Variants in TASP1 observed in about 807,000 individuals in gnomAD.
TASP1 encodes the protein threonine aspartase 1.
In TASP1, 16 loss-of-function variants were observed where a neutral mutation model predicts 56.6. The ratio of observed to expected loss-of-function variants is 0.28; its 90% CI spans 0.19 to 0.43. The LOEUF (loss-of-function observed/expected upper bound fraction) is 0.43, where lower values mean the gene tolerates loss of function less well. TASP1 is among the 20% of genes least tolerant of loss of function. TASP1 has a pLI of 1.00. For missense variants in TASP1, 393 were observed against 511.6 expected, an observed-to-expected ratio of 0.77 and a Z score of 2.24; for synonymous variants, 179 against 184.2, an observed-to-expected ratio of 0.97 and a Z score of 0.23.
chr20:13,501,615 G>C (rs926304175), intron 10 of TASP1, among the ~76,000 whole-genome samples: 1 of 151,614 alleles, frequency 6.6e-6, no homozygotes, highest in African/African-American at 2.4e-5. Context: ...ACAATAAAAC[G>C]AAAGAATAGA....
intron 11 of TASP1, among the ~76,000 whole-genome samples, chr20:13,474,234 C>A (rs949019367): frequency 2.0e-5 from 3 of 152,140 alleles, no homozygotes; most frequent in Non-Finnish European, 4.4e-5. Flanking sequence ...GAACCTGTCA[C>A]CTGAGCGGTA....
Position 13,389,514 on chromosome 20 carries a change from T to C in TASP1, c.*846A>G, listed in dbSNP as rs1280458810. ...TATATTTAAACAAAAACAAAGATAA[T>C]ATTGAATTTTCCCATAAACTTTGCT... On this transcript the variant is annotated 3_prime_UTR_variant, in exon 14 of 14. Coordinates refer to ENST00000337743, the MANE Select transcript of TASP1 (RefSeq NM_017714.3). The C allele has an allele frequency of 6.6e-6, 1 of 152,496 alleles. No homozygotes were observed. 9.4% of individuals were successfully genotyped at this position (152,496 alleles called of 1,614,324 possible).
At chr20:13,223,233 G>T in the TASP1 span, among the ~76,000 whole-genome samples, 1 of 151,656 alleles carries the variant, frequency 6.6e-6, no homozygotes, top group African/African-American at 2.4e-5. Flanking sequence ...ATTATTCATT[G>T]TTCCCAAAGG....
intron 10 of TASP1, among the ~76,000 whole-genome samples, chr20:13,500,864 T>A (rs189473283): frequency 7.8e-4 from 119 of 152,146 alleles, no homozygotes; most frequent in Non-Finnish European, 1.3e-3. Flanking sequence ...GCTAAGAATT[T>A]TCCACACCTA....
chr20:13,168,374 G>A, the TASP1 span: 1 of 152,050 alleles, frequency 6.6e-6, no homozygotes, highest in African/African-American at 2.4e-5. Flanking sequence ...GTAGAGACAA[G>A]GTTTTTCCCT....
chr20:13,302,560 T>G, the TASP1 span, among the ~76,000 whole-genome samples: 158 of 152,260 alleles, frequency 1.0e-3, no homozygotes, highest in Non-Finnish European at 1.6e-3. Context: ...CAGTAGATCA[T>G]CTGCTCAAGG....
At chr20:13,590,467 C>T (rs2047481745) in intron 4 of TASP1, among the ~76,000 whole-genome samples, 1 of 152,042 alleles carries the variant, frequency 6.6e-6, no homozygotes, top group African/African-American at 2.4e-5. Flanking sequence ...AATTAGCAAA[C>T]AATTTTAATG....
chr20:13,242,122 A>G, the TASP1 span, among the ~76,000 whole-genome samples: 2 of 152,194 alleles, frequency 1.3e-5, no homozygotes, highest in Non-Finnish European at 2.9e-5. Flanking sequence ...GTTTACTGAC[A>G]AAAGGTCTAG....
At chr20:13,454,831 C>T (rs6131474) in intron 11 of TASP1, among the ~76,000 whole-genome samples, 13 of 152,100 alleles carry the variant, frequency 8.5e-5, no homozygotes, top group African/African-American at 3.1e-4. Context: ...CCCCATCATC[C>T]TAATTCAGCA....
the TASP1 span, among the ~76,000 whole-genome samples, chr20:13,354,739 T>C: frequency 1.1e-4 from 17 of 152,006 alleles, no homozygotes; most frequent in South Asian, 3.3e-3. Context: ...GGATGTCAAC[T>C]GCACAGCAGC....
intron 4 of TASP1, among the ~76,000 whole-genome samples, chr20:13,593,627 G>A (rs767743260): frequency 7.9e-5 from 12 of 152,308 alleles, no homozygotes; most frequent in African/African-American, 2.4e-5. Flanking sequence ...ATCAACCTGC[G>A]AGGCTGCAGC....
At chr20:13,141,716 G>C in the TASP1 span, among the ~76,000 whole-genome samples, 1 of 152,220 alleles carries the variant, frequency 6.6e-6, no homozygotes, top group Non-Finnish European at 1.5e-5. Flanking sequence ...TGAGGGCATG[G>C]AGAGCTGCAT....
At chr20:13,328,340 C>A in the TASP1 span, among the ~76,000 whole-genome samples, 2 of 152,226 alleles carry the variant, frequency 1.3e-5, no homozygotes, top group East Asian at 3.9e-4. Flanking sequence ...GAAAAAGGAA[C>A]CCTGTTACAT....
At chr20:13,421,408 A>C (rs749775580) in intron 12 of TASP1, among the ~76,000 whole-genome samples, 8 of 152,104 alleles carry the variant, frequency 5.3e-5, no homozygotes, top group Non-Finnish European at 1.2e-4. Context: ...ATTTGGAGAA[A>C]AATGAAAGTC....
chr20:13,509,432 T>A (rs753666272), intron 10 of TASP1, among the ~76,000 whole-genome samples: 9 of 152,118 alleles, frequency 5.9e-5, no homozygotes, highest in Non-Finnish European at 1.3e-4. Flanking sequence ...GCATTGTGAT[T>A]ACAGTTAATA....
At chr20:13,299,480 G>A in the TASP1 span, 6 of 1,576,436 alleles carry the variant, frequency 3.8e-6, no homozygotes, top group Non-Finnish European at 5.2e-6. The surrounding 1 kb of genome is among the most constrained non-coding windows in gnomAD (Gnocchi z 5.8). Context: ...ATGAGGTGGA[G>A]GACGCTGCCT....
chr20:13,124,423 T>C, the TASP1 span, among the ~76,000 whole-genome samples: 1 of 148,362 alleles, frequency 6.7e-6, no homozygotes, highest in Non-Finnish European at 1.5e-5. Flanking sequence ...CAGATTTAAA[T>C]AAAGAATTTG....
chr20:13,454,405 T>C (rs1308308990), intron 11 of TASP1, among the ~76,000 whole-genome samples: 2 of 152,032 alleles, frequency 1.3e-5, no homozygotes, highest in Non-Finnish European at 1.5e-5. Flanking sequence ...TGGCCTCCCT[T>C]CCCCTGTCCC....
At chr20:13,511,259 A>G (rs1182052454) in intron 10 of TASP1, among the ~76,000 whole-genome samples, 2 of 151,952 alleles carry the variant, frequency 1.3e-5, no homozygotes, top group Non-Finnish European at 2.9e-5. Context: ...GCAATGCAGT[A>G]GCCACTGGGC....
Sources: gnomAD v4.1 joint callset for allele counts (sites outside exome capture counted in the v4.1 genomes callset) on GRCh38, gnomAD v4.1.1 for gene constraint, Gnocchi (gnomAD v3.1) non-coding constraint, MANE v1.5 for transcripts, NCBI Gene and HGNC (gene_info 2026-07-23, HGNC 2026-07-21) for gene names.